Variants in AREL1 observed in about 807,000 individuals in gnomAD.
AREL1 encodes the protein apoptosis-resistant E3 ubiquitin protein ligase 1.
In AREL1, 62 loss-of-function variants were observed where a neutral mutation model predicts 99.0. The observed-to-expected ratio is 0.63, with a 90% CI of 0.51 to 0.77. The LOEUF is 0.77. Among genes scored for constraint, AREL1 ranks in the 30% least tolerant of loss-of-function variants. The probability of loss-of-function intolerance (pLI) is 0.00; values close to 1 mark genes in which losing one functional copy is unlikely to be tolerated. For synonymous variants in AREL1, 380 were observed against 376.5 expected (o/e 1.01, Z -0.11); for missense variants, 879 against 1,027.6 (o/e 0.86, Z 1.98).
chr14:74,712,904 C>A, intron 1 of AREL1, 29 bp downstream of exon 1: 1 of 627,500 alleles, frequency 1.6e-6, no homozygotes, highest in Non-Finnish European at 2.9e-6. Context: ...GTCTTCTGGG[C>A]TCTGCCTAAG....
chr14:74,669,598 C>T (rs2089284122), intron 15 of AREL1, 51 bp downstream of exon 15: 1 of 1,594,780 alleles, frequency 6.3e-7, no homozygotes, highest in African/African-American at 1.4e-5. Context: ...CAGTCCTGCT[C>T]TACAGGAAAC....
At position 74,670,843 on chromosome 14, in the gene AREL1, T is replaced by G; in HGVS notation, c.1527A>C (p.Glu509Asp). The part of the protein sequence containing the change: ...EALDWGGPRR[E>D]WFELICKALF... ...GTGCTTTGCAGATTAGCTCAAACCA[T>G]TCCCGGCGAGGCCCTCCCCAGTCCA... Residue 509 changes from glutamate to aspartate, a missense_variant, in exon 13 of 20, where the codon GAA (glutamate) becomes GAC (aspartate). Glu to Asp is a conservative substitution (Grantham distance 45). Coordinates refer to ENST00000356357, the MANE Select transcript of AREL1 (RefSeq NM_001039479.2). 1 of 1,614,092 alleles carries G rather than the reference T, an allele frequency of 6.2e-7. No individual in the cohort carries two copies. The highest frequency in any genetic ancestry group is 1.1e-5 in the South Asian group (1 of 91,082).
In AREL1 at chr14:74,675,801, T is replaced by A; in HGVS notation, c.978A>T (p.Pro326=). The A allele has an allele frequency of 6.2e-7, 1 of 1,614,166 alleles. No individual in the cohort carries two copies. The highest frequency in any genetic ancestry group is 8.5e-7 in the Non-Finnish European group (1 of 1,180,028). Residue 326 remains proline (P), a synonymous_variant, in exon 8 of 20, where the codon CCA becomes CCT. Transcript: ENST00000356357. ...CATCTTCCTCGTCAACAGCAGTGGA[T>A]GGCCGGCGCTGGGAAGAGGTCATGT... ...PMHMTSSQRR[P]STAVDEEDED...
At chr14:74,700,347 A>G (rs949261239) in intron 1 of AREL1, among the ~76,000 whole-genome samples, 13 of 152,240 alleles carry the variant, frequency 8.5e-5, no homozygotes, top group Admixed American at 7.2e-4. Flanking sequence ...TAAGTGAAGG[A>G]GTCAAGCAAT....
At chr14:74,667,624 G>T in intron 15 of AREL1, 30 bp from the exon 16 acceptor site, 2 of 1,571,404 alleles carry the variant, frequency 1.3e-6, no homozygotes, top group Non-Finnish European at 1.7e-6. Context: ...ACAGACAAGG[G>T]AGAGGCTGTG....
rs1409879260 is a variant in AREL1, at chr14:74,673,114, T to C, written c.1263A>G (p.Leu421=). ...GCAGGGAGCGGATAAAAGTGGCTGC[T>C]AGAATGTTCCTCTCCTTACAGCTGA... ...VELSCKERNI[L]AATFIRSLHK... Residue 421 remains leucine (L), a synonymous_variant, in exon 10 of 20, where the codon CTA becomes CTG. Coordinates refer to ENST00000356357, the MANE Select transcript of AREL1 (RefSeq NM_001039479.2). 3 of 1,614,172 alleles carry C rather than the reference T, an allele frequency of 1.9e-6. No individual in the cohort carries two copies. Among genetic ancestry groups the C allele is most frequent in the Non-Finnish European group, 2.5e-6 (3 of 1,180,036 alleles).
intron 5 of AREL1, among the ~76,000 whole-genome samples, chr14:74,680,351 T>C (rs1330289356): frequency 6.6e-6 from 1 of 152,022 alleles, no homozygotes; most frequent in Non-Finnish European, 1.5e-5. Flanking sequence ...AAAAGCACAA[T>C]GAGATACCAC....
Position 74,713,075 on chromosome 14 carries a change from G to A in AREL1, c.-476C>T, listed in dbSNP as rs753335684. ...CCACCCGGCCTGGGAACCGGCTCGG[G>A]GGATTGCCCTTTCCCCAAGGAGTTT... On this transcript the variant is annotated 5_prime_UTR_variant, in exon 1 of 20. Transcript: ENST00000356357. The A allele has an allele frequency of 8.2e-6, 13 of 1,586,400 alleles. No individual in the cohort carries two copies. The highest frequency in any genetic ancestry group is 6.7e-5 in the East Asian group (3 of 44,720).
At chr14:74,705,085 G>A (rs1171818637) in intron 1 of AREL1, among the ~76,000 whole-genome samples, 1 of 151,696 alleles carries the variant, frequency 6.6e-6, no homozygotes, top group African/African-American at 2.4e-5. Flanking sequence ...TGTTGCCCAG[G>A]CTGGAGTGCA....
chr14:74,679,393 T>G (rs919414461), intron 5 of AREL1, among the ~76,000 whole-genome samples: 2 of 151,922 alleles, frequency 1.3e-5, no homozygotes, highest in Non-Finnish European at 2.9e-5. Flanking sequence ...CTGCACGCCA[T>G]CATGGGTGAC....
chr14:74,668,543 C>A (rs1252542877), intron 15 of AREL1, among the ~76,000 whole-genome samples: 1 of 151,902 alleles, frequency 6.6e-6, no homozygotes, highest in African/African-American at 2.4e-5. Context: ...TCATATTAAA[C>A]ACAATTAAAA....
intron 1 of AREL1, 82 bp downstream of exon 1, chr14:74,712,851 T>C (rs1236466153): frequency 2.1e-6 from 1 of 468,152 alleles, no homozygotes; most frequent in Admixed American, 3.1e-5. Flanking sequence ...TGAACCCCCC[T>C]ACCCTTTTCC....
At chr14:74,694,023 A>C (rs994504256) in intron 1 of AREL1, among the ~76,000 whole-genome samples, 1 of 152,138 alleles carries the variant, frequency 6.6e-6, no homozygotes, top group African/African-American at 2.4e-5. Flanking sequence ...CAAAAAATAC[A>C]AAAATTACCC....
At position 74,667,450 on chromosome 14, in the gene AREL1, C is replaced by G. The variant is rs745534401; in HGVS notation, c.2044+15G>C. The G allele has an allele frequency of 6.2e-6, 10 of 1,613,768 alleles. No individual in the cohort carries two copies. Among genetic ancestry groups the G allele is most frequent in the Non-Finnish European group, 8.5e-6 (10 of 1,179,790 alleles). ...GGTATTTTAACTTCAAGGCCAAGAA[C>G]AGACAGGATCCCACCTTTTAGGAAA... On this transcript the variant is annotated intron_variant, in intron 16 of 19. Transcript: ENST00000356357.
At chr14:74,670,713 A>C (rs1566680547) in intron 13 of AREL1, 49 bp downstream of exon 13, 1 of 1,512,272 alleles carries the variant, frequency 6.6e-7, no homozygotes, top group Non-Finnish European at 9.2e-7. Context: ...TTGTTAGTCT[A>C]CCCATGATAA....
At chr14:74,680,839 G>T (rs1168837551) in intron 5 of AREL1, among the ~76,000 whole-genome samples, 1 of 152,120 alleles carries the variant, frequency 6.6e-6, no homozygotes, top group Non-Finnish European at 1.5e-5. Context: ...GTGCTGAAGT[G>T]GTAAGTAAGT....
rs541797898 is a variant in AREL1 at position 74,669,934 on chromosome 14, C to A, written c.1788+13G>T. 1.1e-4 allele frequency: 170 copies of A among 1,598,430 alleles called. No homozygotes were observed. The South Asian group carries it at 1.9e-3, about 17-fold the overall frequency. ...CAGGGGCCTTAGTAGGAAATGCACA[C>A]CCAAGATGTTACCTTGTAATGCATA... On this transcript the variant is annotated intron_variant, in intron 14 of 19. Coordinates refer to ENST00000356357, the MANE Select transcript of AREL1 (RefSeq NM_001039479.2).
rs1204190873 is a variant in AREL1, at chr14:74,678,488, C to A, written c.482-1736G>T. Among the ~76,000 whole-genome samples, 3 of 148,334 alleles carry A rather than the reference C, an allele frequency of 2.0e-5. No homozygotes were observed. In the South Asian group the frequency reaches 6.4e-4, roughly 31 times the overall value. On this transcript the variant is annotated intron_variant, in intron 5 of 19. Transcript: ENST00000356357. ...ACTCAGCCTGGGTGACAGAGTGAGA[C>A]CCTGCCTCAAAAAAAAAAAAGAAAA...
At chr14:74,702,238 A>G (rs549678765) in intron 1 of AREL1, among the ~76,000 whole-genome samples, 1 of 152,330 alleles carries the variant, frequency 6.6e-6, no homozygotes, top group South Asian at 2.1e-4. Context: ...ACATTGCCCT[A>G]GCAGAGGTTC....
Sources: allele counts gnomAD v4.1 joint callset (sites outside exome capture counted in the v4.1 genomes callset), GRCh38; gene constraint gnomAD v4.1.1; transcripts MANE v1.5; gene names NCBI Gene and HGNC (gene_info 2026-07-23, HGNC 2026-07-21).